Variants in MCUB observed in about 807,000 individuals in gnomAD.
The protein encoded by MCUB is mitochondrial calcium uniporter dominant negative subunit beta.
Under a neutral mutation model 41.4 loss-of-function variants are expected in MCUB, and 46 were observed. The observed-to-expected ratio is 1.11, with a 90% confidence interval of 0.88 to 1.42. The LOEUF is 1.42. Ranked by LOEUF, MCUB falls within the 40% of genes most tolerant of loss-of-function variation. The pLI is 0.00. For missense variants in MCUB, 403 were observed against 404.9 expected (o/e 1.00, Z 0.04); for synonymous variants, 148 against 148.2 (o/e 1.00, Z 0.01).
At chr4:109,566,016 G>A (rs1272121232) in intron 1 of MCUB, among the ~76,000 whole-genome samples, 1 of 151,304 alleles carries the variant, frequency 6.6e-6, no homozygotes, top group African/African-American at 2.4e-5. Flanking sequence ...CTAATTTTTT[G>A]TGTTTTGTTT....
intron 1 of MCUB, among the ~76,000 whole-genome samples, chr4:109,649,211 G>A (rs928746681): frequency 3.9e-5 from 6 of 152,040 alleles, no homozygotes; most frequent in Non-Finnish European, 8.8e-5. Flanking sequence ...AGACAAATGT[G>A]GATATCTATC....
At chr4:109,643,933 T>G (rs1728774848) in intron 1 of MCUB, among the ~76,000 whole-genome samples, 1 of 152,210 alleles carries the variant, frequency 6.6e-6, no homozygotes, top group African/African-American at 2.4e-5. Flanking sequence ...TCTAAGACAT[T>G]TTAAACAAAT....
At chr4:109,678,350 A>G (rs1489084491) in intron 4 of MCUB, among the ~76,000 whole-genome samples, 1 of 150,300 alleles carries the variant, frequency 6.7e-6, no homozygotes. Context: ...TGTTGGGTAC[A>G]CCTCCCAGGT....
At chr4:109,616,353 C>CCTT (rs1378240111) in intron 1 of MCUB, among the ~76,000 whole-genome samples, 2 of 152,172 alleles carry the variant, frequency 1.3e-5, no homozygotes, top group Admixed American at 1.3e-4. Flanking sequence ...GACTAATGTA[C>CCTT]CTTCCACTTC....
intron 1 of MCUB, among the ~76,000 whole-genome samples, chr4:109,631,610 A>G (rs1391268715): frequency 1.3e-5 from 2 of 152,240 alleles, no homozygotes; most frequent in African/African-American, 2.4e-5. Context: ...TTAATTTATT[A>G]TCCGTCAGCC....
intron 1 of MCUB, among the ~76,000 whole-genome samples, chr4:109,642,423 G>A (rs996770599): frequency 1.3e-5 from 2 of 152,062 alleles, no homozygotes; most frequent in African/African-American, 2.4e-5. Context: ...TTTGTGGCAG[G>A]GTAATTAAAG....
chr4:109,627,616 G>C (rs796905168), intron 1 of MCUB, among the ~76,000 whole-genome samples: 46 of 152,258 alleles, frequency 3.0e-4, no homozygotes, highest in African/African-American at 1.0e-3. Context: ...ACAGAGGCAA[G>C]ATCCTTACTC....
chr4:109,620,886 C>T (rs942343549), intron 1 of MCUB, among the ~76,000 whole-genome samples: 1 of 144,376 alleles, frequency 6.9e-6, no homozygotes, highest in Non-Finnish European at 1.5e-5. Context: ...ACAAGAACTT[C>T]AACATTCTTC....
chr4:109,586,665 A>T (rs895769751), intron 1 of MCUB, among the ~76,000 whole-genome samples: 1 of 152,062 alleles, frequency 6.6e-6, no homozygotes, highest in Non-Finnish European at 1.5e-5. Context: ...GTTGATGTTG[A>T]TGCTATTCCT....
At chr4:109,560,627 T>G (rs892777249) in intron 1 of MCUB, among the ~76,000 whole-genome samples, 191 bp downstream of exon 1, 6 of 152,158 alleles carry the variant, frequency 3.9e-5, no homozygotes, top group Non-Finnish European at 7.4e-5. Context: ...AGGCCTGGGC[T>G]GAGGTCAAGA....
intron 4 of MCUB, among the ~76,000 whole-genome samples, chr4:109,664,943 TA>T (rs11307907): frequency 0.45 from 68,352 of 150,812 alleles, 16,067 homozygotes; most frequent in African/African-American, 0.6. Flanking sequence ...TTAACTCTTG[TA>T]AAAAAAAAAA....
rs1349442135 is a variant in MCUB, at chr4:109,571,529, T to A, written c.99+11093T>A. On this transcript the variant is annotated intron_variant, in intron 1 of 7. Transcript: ENST00000394650. Reference sequence around the variant, plus strand: ...GGTTTCACCATATTGGTCGCCCTGGTCTCCAGCTCCTGACCTCAGGTGATC... The same window carrying A: ...GGTTTCACCATATTGGTCGCCCTGGACTCCAGCTCCTGACCTCAGGTGATC... 3.9e-5 allele frequency among the ~76,000 whole-genome samples: 6 copies of A among 152,276 alleles called. No homozygotes were observed. In the East Asian group the frequency reaches 9.7e-4, roughly 24 times the overall value.
At chr4:109,613,054 C>T (rs1728052337) in intron 1 of MCUB, among the ~76,000 whole-genome samples, 1 of 151,256 alleles carries the variant, frequency 6.6e-6, no homozygotes. Context: ...TGCAGTGAGC[C>T]GAGATCACAC....
intron 1 of MCUB, among the ~76,000 whole-genome samples, chr4:109,574,380 G>A (rs895583179): frequency 6.6e-6 from 1 of 152,150 alleles, no homozygotes; most frequent in African/African-American, 2.4e-5. Flanking sequence ...GCTTCTTGAA[G>A]TGTAGGACTC....
At chr4:109,681,193 G>A (rs1223137402) in intron 4 of MCUB, among the ~76,000 whole-genome samples, 1 of 152,178 alleles carries the variant, frequency 6.6e-6, no homozygotes, top group Non-Finnish European at 1.5e-5. Context: ...TCTCAAAGAG[G>A]TGGCTCTGAA....
chr4:109,618,548 T>C (rs1728178457), intron 1 of MCUB, among the ~76,000 whole-genome samples: 1 of 152,228 alleles, frequency 6.6e-6, no homozygotes, highest in South Asian at 2.1e-4. Context: ...AGATTCATGT[T>C]AGGACTTTTT....
At chr4:109,608,970 T>C (rs1304206348) in intron 1 of MCUB, among the ~76,000 whole-genome samples, 3 of 152,176 alleles carry the variant, frequency 2.0e-5, no homozygotes, top group Non-Finnish European at 4.4e-5. Context: ...CTTGTAGAGG[T>C]ACTGCCTTGC....
chr4:109,651,498 CAGAA>C, intron 1 of MCUB, among the ~76,000 whole-genome samples: 1 of 152,148 alleles, frequency 6.6e-6, no homozygotes, highest in African/African-American at 2.4e-5. Flanking sequence ...TAGGCTCTCT[CAGAA>C]AGAGAATATA....
At chr4:109,584,301 T>C (rs1288012406) in intron 1 of MCUB, among the ~76,000 whole-genome samples, 1 of 152,202 alleles carries the variant, frequency 6.6e-6, no homozygotes, top group East Asian at 1.9e-4. Flanking sequence ...TGATATCCCC[T>C]TTATCATTTT....
Sources: allele counts gnomAD v4.1 joint callset (sites outside exome capture counted in the v4.1 genomes callset), GRCh38; gene constraint gnomAD v4.1.1; transcripts MANE v1.5; gene names NCBI Gene and HGNC (gene_info 2026-07-23, HGNC 2026-07-21).